The following SAMMSON variants were observed in gnomAD, a reference collection of about 807,000 sequenced individuals.
SAMMSON encodes the protein long intergenic non-protein coding RNA 1212.
intron 4 of SAMMSON, among the ~76,000 whole-genome samples, chr3:70,211,688 C>T (rs1237961290): frequency 2.1e-5 from 3 of 144,264 alleles, no homozygotes; most frequent in Non-Finnish European, 4.6e-5. Flanking sequence ...CCTTCCTTTC[C>T]CTTCCCTTCC....
chr3:70,041,130 G>A (rs1446246476), intron 3 of SAMMSON, among the ~76,000 whole-genome samples: 1 of 152,066 alleles, frequency 6.6e-6, no homozygotes, highest in Non-Finnish European at 1.5e-5. Flanking sequence ...ACTAGGCTTT[G>A]GGGGCTGCTG....
chr3:70,367,398 A>T (rs943680132), intron 9 of SAMMSON, among the ~76,000 whole-genome samples: 9 of 151,402 alleles, frequency 5.9e-5, no homozygotes, highest in African/African-American at 2.2e-4. Context: ...TTTTTTAAAA[A>T]TTTTTTAATT....
At chr3:70,430,994 G>A (rs1426336774) in intron 2 of SAMMSON, among the ~76,000 whole-genome samples, 1 of 151,986 alleles carries the variant, frequency 6.6e-6, no homozygotes, top group Non-Finnish European at 1.5e-5. Context: ...TCAGTGGTTG[G>A]ATATGGAGAG....
At chr3:70,344,085 G>A (rs1335148021) in intron 7 of SAMMSON, among the ~76,000 whole-genome samples, 1 of 151,944 alleles carries the variant, frequency 6.6e-6, no homozygotes, top group Non-Finnish European at 1.5e-5. Flanking sequence ...AGGAGACAGG[G>A]AAATACTGGG....
At chr3:70,147,604 T>A (rs971862214) in intron 4 of SAMMSON, among the ~76,000 whole-genome samples, 2 of 152,052 alleles carry the variant, frequency 1.3e-5, no homozygotes, top group African/African-American at 2.4e-5. Flanking sequence ...AAAAACCATA[T>A]GCAAGAAAAT....
Position 70,228,078 on chromosome 3 carries a change from G to A in SAMMSON, n.508-21029G>A, listed in dbSNP as rs1253264387. 5.3e-5 allele frequency among the ~76,000 whole-genome samples: 8 copies of A among 151,702 alleles called. No individual in the cohort carries two copies. The South Asian group carries it at 1.7e-3, about 31-fold the overall frequency. On this transcript the variant is annotated intron_variant and non_coding_transcript_variant, in intron 4 of 9. Coordinates refer to ENST00000642114, the Ensembl canonical transcript of SAMMSON. ...ATCTTAATGATATCAGATTGAATAG[G>A]TCACTACTACTGTTAAAATAACATG... is the stretch of plus-strand genomic sequence containing the variant.
At chr3:70,258,299 A>G (rs1416444804) in intron 6 of SAMMSON, among the ~76,000 whole-genome samples, 1 of 152,162 alleles carries the variant, frequency 6.6e-6, no homozygotes, top group Non-Finnish European at 1.5e-5. Flanking sequence ...GCTTTCATCA[A>G]AATTATAAAT....
intron 4 of SAMMSON, among the ~76,000 whole-genome samples, chr3:70,150,732 T>C (rs771410165): frequency 2.0e-5 from 3 of 152,114 alleles, no homozygotes; most frequent in Non-Finnish European, 4.4e-5. Flanking sequence ...GTAATACCAT[T>C]GTTTTAGCTT....
intron 2 of SAMMSON, among the ~76,000 whole-genome samples, chr3:70,406,266 G>GA (rs984460589): frequency 1.1e-4 from 17 of 151,994 alleles, no homozygotes; most frequent in African/African-American, 4.1e-4. Flanking sequence ...GAAGACAATG[G>GA]AAAAACCTCA....
Position 70,185,177 on chromosome 3 carries a change from C to T in SAMMSON, n.508-63930C>T, listed in dbSNP as rs1199715716. On this transcript the variant is annotated intron_variant and non_coding_transcript_variant, in intron 4 of 9. Transcript: ENST00000642114. ...AGAGATTCTCTGAAGTTTTAAGCAT[C>T]AGACTCCACAGAACACGGATCTACT... Among the ~76,000 whole-genome samples the T allele has an allele frequency of 1.3e-4, 20 of 152,268 alleles. 1 individual carries two copies. The South Asian group carries it at 3.5e-3, about 27-fold the overall frequency.
chr3:70,130,533 T>C (rs1576129942), intron 4 of SAMMSON, among the ~76,000 whole-genome samples: 1 of 152,160 alleles, frequency 6.6e-6, no homozygotes, highest in Non-Finnish European at 1.5e-5. Flanking sequence ...ACTTGGTAAC[T>C]GTCCTGAGCT....
At chr3:70,312,094 A>G in intron 7 of SAMMSON, 1 of 390,392 alleles carries the variant, frequency 2.6e-6, no homozygotes, top group Non-Finnish European at 4.5e-6. Context: ...ATAGTTTTTC[A>G]GTTCACTGTC....
chr3:70,309,924 C>A (rs975607829), intron 7 of SAMMSON, among the ~76,000 whole-genome samples: 1 of 152,062 alleles, frequency 6.6e-6, no homozygotes, highest in Non-Finnish European at 1.5e-5. Flanking sequence ...AAAGAAAATT[C>A]TTTAGGAAAC....
In SAMMSON at chr3:70,400,483, G is replaced by A. The variant is rs183292390; in HGVS notation, n.233+42159G>A. Among the ~76,000 whole-genome samples the A allele has an allele frequency of 8.8e-4, 134 of 152,304 alleles. 2 individuals are homozygous for A. Among genetic ancestry groups the A allele is most frequent in the Admixed American group, 8.6e-3 (131 of 15,292 alleles). On this transcript the variant is annotated intron_variant and non_coding_transcript_variant, in intron 2 of 3. Transcript: ENST00000641053. ...GCTCCCCTTCCACTTTCTGCCATGA[G>A]TTGAGGCAGTGTAAGGCTCTCACCA...
chr3:70,259,315 C>A (rs1422288370), intron 6 of SAMMSON, among the ~76,000 whole-genome samples: 1 of 152,016 alleles, frequency 6.6e-6, no homozygotes, highest in Non-Finnish European at 1.5e-5. Context: ...AAAGTAAGCA[C>A]CATCTTTTGA....
chr3:70,100,148 C>T (rs1387780444), intron 4 of SAMMSON, among the ~76,000 whole-genome samples: 1 of 151,874 alleles, frequency 6.6e-6, no homozygotes, highest in African/African-American at 2.4e-5. Flanking sequence ...TATTTTCATA[C>T]TCTTTTTTTT....
At chr3:70,221,164 GT>G in intron 4 of SAMMSON, among the ~76,000 whole-genome samples, 1 of 152,172 alleles carries the variant, frequency 6.6e-6, no homozygotes, top group Middle Eastern at 3.4e-3. Context: ...GGAATAAACC[GT>G]AGATGTCAGT....
rs563161566 is a variant in SAMMSON, at chr3:70,333,407, T to TAC, written n.740-20758_740-20757dup. ...ATATTTAAATATTCAAATGGTTATA[T>TAC]ACACACACACATGTATAAAACATAT... On this transcript the variant is annotated intron_variant and non_coding_transcript_variant, in intron 7 of 9. Transcript: ENST00000642114. Among the ~76,000 whole-genome samples the TAC allele has an allele frequency of 1.5e-3, 222 of 152,144 alleles. 1 individual carries two copies. Among genetic ancestry groups the TAC allele is most frequent in the African/African-American group, 5.2e-3 (216 of 41,552 alleles).
intron 6 of SAMMSON, among the ~76,000 whole-genome samples, chr3:70,264,861 A>T (rs1701901154): frequency 6.6e-6 from 1 of 152,294 alleles, no homozygotes; most frequent in Admixed American, 6.5e-5. Flanking sequence ...GCTAATAAAG[A>T]CATACCATAG....
Sources: gnomAD v4.1 joint callset for allele counts (sites outside exome capture counted in the v4.1 genomes callset) on GRCh38, gnomAD v4.1.1 for gene constraint, MANE v1.5 for transcripts, NCBI Gene and HGNC (gene_info 2026-07-23, HGNC 2026-07-21) for gene names.